Variants in PRMT8 observed in about 807,000 individuals in gnomAD.
PRMT8 encodes protein arginine methyltransferase 8.
Under a neutral mutation model 47.1 loss-of-function variants are expected in PRMT8, and 7 were observed. The ratio of observed to expected loss-of-function variants is 0.15; its 90% CI spans 0.08 to 0.28. PRMT8 has a LOEUF of 0.28. Among genes scored for constraint, PRMT8 ranks in the 10% least tolerant of loss-of-function variants. The pLI is 1.00. For missense variants in PRMT8, 237 were observed against 505.4 expected (o/e 0.47, Z 5.09); for synonymous variants, 188 against 186.5 (o/e 1.01, Z -0.07).
At chr12:3,435,874 T>C (rs906343335) in intron 1 of PRMT8, among the ~76,000 whole-genome samples, 4 of 152,186 alleles carry the variant, frequency 2.6e-5, no homozygotes, top group Admixed American at 2.6e-4. Flanking sequence ...TTGTGGGTCC[T>C]TTCCTAGTCC....
intron 8 of PRMT8, among the ~76,000 whole-genome samples, chr12:3,590,357 G>C (rs1489147627): frequency 6.6e-6 from 1 of 152,186 alleles, no homozygotes; most frequent in African/African-American, 2.4e-5. Flanking sequence ...AAAGCTCTTA[G>C]AGGTCACCTG....
At chr12:3,586,676 A>G (rs922534019) in intron 8 of PRMT8, among the ~76,000 whole-genome samples, 17 of 152,188 alleles carry the variant, frequency 1.1e-4, no homozygotes, top group Admixed American at 1.0e-3. Flanking sequence ...CTGTGTCTTA[A>G]CAAGACCTCC....
intron 1 of PRMT8, among the ~76,000 whole-genome samples, chr12:3,457,874 C>T (rs1416921780): frequency 4.7e-5 from 5 of 106,454 alleles, no homozygotes; most frequent in South Asian, 3.2e-4. Context: ...TTTAAGACAG[C>T]GTTCTGTTGC....
intron 1 of PRMT8, among the ~76,000 whole-genome samples, chr12:3,481,078 GCTA>G (rs971792129): frequency 2.0e-5 from 3 of 152,160 alleles, no homozygotes; most frequent in Non-Finnish European, 4.4e-5. Context: ...TTTGATAAAC[GCTA>G]CTATCTGCCT....
At chr12:3,384,302 T>C (rs1031364865) in intron 1 of PRMT8, among the ~76,000 whole-genome samples, 7 of 152,102 alleles carry the variant, frequency 4.6e-5, no homozygotes, top group African/African-American at 1.7e-4. Context: ...AGAATGGGCA[T>C]TGGATTTTGT....
intron 1 of PRMT8, among the ~76,000 whole-genome samples, chr12:3,506,735 A>G (rs1865631735): frequency 6.6e-6 from 1 of 152,154 alleles, no homozygotes; most frequent in Non-Finnish European, 1.5e-5. Flanking sequence ...GGCTCCCTCG[A>G]GATAGACACG....
At chr12:3,518,553 G>C (rs1340883119) in intron 1 of PRMT8, among the ~76,000 whole-genome samples, 1 of 152,124 alleles carries the variant, frequency 6.6e-6, no homozygotes, top group Non-Finnish European at 1.5e-5. Flanking sequence ...ATAATGAAAA[G>C]GGCAGCCATA....
chr12:3,423,537 A>G (rs1393798062), intron 1 of PRMT8, among the ~76,000 whole-genome samples: 1 of 152,216 alleles, frequency 6.6e-6, no homozygotes, highest in African/African-American at 2.4e-5. Context: ...CGTGAGAAGC[A>G]TAGACAGGAA....
At chr12:3,452,901 G>A (rs905942880) in intron 1 of PRMT8, among the ~76,000 whole-genome samples, 1 of 152,182 alleles carries the variant, frequency 6.6e-6, no homozygotes, top group East Asian at 1.9e-4. Context: ...CGAGTGGGGT[G>A]GTGAGAGGAC....
intron 1 of PRMT8, among the ~76,000 whole-genome samples, chr12:3,449,752 T>G (rs955639014): frequency 3.9e-5 from 6 of 152,236 alleles, no homozygotes; most frequent in African/African-American, 1.4e-4. Flanking sequence ...CTTGTCAATT[T>G]TTGCTTTTGT....
chr12:3,438,428 G>A (rs1422191720), intron 1 of PRMT8, among the ~76,000 whole-genome samples: 2 of 152,222 alleles, frequency 1.3e-5, no homozygotes, highest in Non-Finnish European at 2.9e-5. Context: ...GCCCTCCAGG[G>A]CAGAGTGTTC....
intron 1 of PRMT8, among the ~76,000 whole-genome samples, chr12:3,460,057 C>T (rs1775605789): frequency 1.3e-5 from 2 of 152,108 alleles, no homozygotes; most frequent in Non-Finnish European, 2.9e-5. Context: ...TCTATGATCC[C>T]TCTCTATCAA....
In PRMT8 at chr12:3,557,905, G is replaced by T. The variant is rs1297761676; in HGVS notation, c.481+4191G>T. 1.3e-5 allele frequency among the ~76,000 whole-genome samples: 2 copies of T among 152,102 alleles called. No homozygotes were observed. Among genetic ancestry groups the T allele is most frequent in the African/African-American group, 4.8e-5 (2 of 41,410 alleles). ...CTGAGCCCTGAGAGGCTTCCAAACA[G>T]CACCTAGACCATTCCCCTCCCTCTG... On this transcript the variant is annotated intron_variant, in intron 4 of 9. Transcript: ENST00000382622. This position sits in a 1 kb window ranked among gnomAD's most constrained non-coding sequence, Gnocchi z 4.7.
intron 1 of PRMT8, among the ~76,000 whole-genome samples, chr12:3,389,648 A>G (rs1864173238): frequency 6.6e-6 from 1 of 152,216 alleles, no homozygotes; most frequent in Admixed American, 6.5e-5. Flanking sequence ...CCATGATCGG[A>G]TGTGCTAAGC....
At chr12:3,424,088 T>G (rs1272754615) in intron 1 of PRMT8, among the ~76,000 whole-genome samples, 3 of 152,182 alleles carry the variant, frequency 2.0e-5, no homozygotes, top group Non-Finnish European at 1.5e-5. Context: ...ACAAATTTCT[T>G]ATTTTTCCTG....
In PRMT8 at chr12:3,549,920, T is replaced by A. The variant is rs769174805; in HGVS notation, c.262-16T>A. On this transcript the variant is annotated splice_polypyrimidine_tract_variant and intron_variant, in intron 2 of 9. Transcript: ENST00000382622. ...TTGAATTCACTGACATTTCCTTTCT[T>A]TTCCCTCCATCACAGGAAATGCTGA... 6.2e-7 allele frequency: 1 copy of A among 1,611,958 alleles called. No individual in the cohort carries two copies. The highest frequency in any genetic ancestry group is 1.7e-5 in the Admixed American group (1 of 59,990).
chr12:3,443,432 C>T (rs1864824139), intron 1 of PRMT8, among the ~76,000 whole-genome samples: 1 of 152,164 alleles, frequency 6.6e-6, no homozygotes, highest in Non-Finnish European at 1.5e-5. Context: ...CTTAGAGGTT[C>T]ATCCTTGATT....
At chr12:3,587,966 C>T (rs955838276) in intron 8 of PRMT8, among the ~76,000 whole-genome samples, 3 of 152,180 alleles carry the variant, frequency 2.0e-5, no homozygotes, top group African/African-American at 7.2e-5. Flanking sequence ...GTGCCCCCCC[C>T]ACCACAACAC....
rs546297304 is a variant in PRMT8 at position 3,514,123 on chromosome 12, C to T, written c.75+22423C>T. Among the ~76,000 whole-genome samples the T allele has an allele frequency of 1.3e-5, 2 of 151,836 alleles. No individual in the cohort carries two copies. Among genetic ancestry groups the T allele is most frequent in the African/African-American group, 4.8e-5 (2 of 41,316 alleles). On this transcript the variant is annotated intron_variant, in intron 1 of 9. Coordinates refer to ENST00000382622, the MANE Select transcript of PRMT8 (RefSeq NM_019854.5). The surrounding 1 kb of genome is among the most constrained non-coding windows in gnomAD (Gnocchi z 5.9). ...ACTTTGTCAGGGTCAAAGAGTTGGCCGCAGGGCCAAAGTCAGGCTGTGAGC... is the reference window on the plus strand; with the variant it reads ...ACTTTGTCAGGGTCAAAGAGTTGGCTGCAGGGCCAAAGTCAGGCTGTGAGC...
Sources: allele counts gnomAD v4.1 joint callset (sites outside exome capture counted in the v4.1 genomes callset), GRCh38; gene constraint gnomAD v4.1.1; non-coding constraint Gnocchi (gnomAD v3.1); transcripts MANE v1.5; gene names NCBI Gene and HGNC (gene_info 2026-07-23, HGNC 2026-07-21).